The following GAB2 variants were observed in gnomAD, a reference collection of about 807,000 sequenced individuals.
GAB2 encodes the protein GRB2-associated-binding protein 2.
Under a neutral mutation model 65.5 loss-of-function variants are expected in GAB2, and 26 were observed. The ratio of observed to expected loss-of-function variants is 0.40; its 90% CI spans 0.29 to 0.55. The LOEUF (loss-of-function observed/expected upper bound fraction) is 0.55, where lower values mean the gene tolerates loss of function less well. Ranked by LOEUF, GAB2 falls within the 20% of genes least tolerant of loss-of-function variation. The probability of loss-of-function intolerance (pLI) is 0.53; values close to 1 mark genes in which losing one functional copy is unlikely to be tolerated. For synonymous variants in GAB2, 321 were observed against 329.6 expected (o/e 0.97, Z 0.28); for missense variants, 884 against 875.8 (o/e 1.01, Z -0.12).
chr11:78,266,071 C>T (rs922148827), intron 2 of GAB2, among the ~76,000 whole-genome samples: 2 of 151,538 alleles, frequency 1.3e-5, no homozygotes, highest in African/African-American at 2.4e-5. Flanking sequence ...AAAAATTTGC[C>T]GGGTGTGGTG....
chr11:78,392,301 A>G (rs1291747487), intron 1 of GAB2: 1 of 152,164 alleles, frequency 6.6e-6, no homozygotes, highest in Non-Finnish European at 1.5e-5. Flanking sequence ...CCTAGTTAGA[A>G]AGAAACCACT....
chr11:78,377,587 C>T (rs139421566), intron 1 of GAB2, among the ~76,000 whole-genome samples: 8 of 152,218 alleles, frequency 5.3e-5, no homozygotes, highest in African/African-American at 1.2e-4. Flanking sequence ...TTTTGAAGAA[C>T]GTGGTAGCAG....
intron 1 of GAB2, among the ~76,000 whole-genome samples, chr11:78,415,542 A>G (rs1857184617): frequency 6.6e-6 from 1 of 152,230 alleles, no homozygotes; most frequent in African/African-American, 2.4e-5. Flanking sequence ...AGTTAGGGGG[A>G]AACTGAACTT....
intron 1 of GAB2, among the ~76,000 whole-genome samples, chr11:78,327,004 T>C (rs540858522): frequency 5.5e-4 from 84 of 152,332 alleles, no homozygotes; most frequent in Admixed American, 1.9e-3. Context: ...AAAGATCCCA[T>C]TTATGCTCTT....
intron 1 of GAB2, among the ~76,000 whole-genome samples, chr11:78,323,644 G>A (rs191281156): frequency 1.3e-4 from 20 of 152,070 alleles, no homozygotes; most frequent in Non-Finnish European, 2.8e-4. Context: ...AAAAAGGTCG[G>A]GGGAGGGAGG....
intron 1 of GAB2, among the ~76,000 whole-genome samples, chr11:78,375,038 G>A (rs891444827): frequency 1.3e-5 from 2 of 152,106 alleles, no homozygotes; most frequent in African/African-American, 2.4e-5. Context: ...TGTATATTTC[G>A]TTTATTTATT....
intron 1 of GAB2, among the ~76,000 whole-genome samples, chr11:78,320,953 A>C (rs764935021): frequency 4.6e-5 from 7 of 152,098 alleles, no homozygotes; most frequent in Non-Finnish European, 1.0e-4. Flanking sequence ...AGGTAATGCA[A>C]AAGAGATATT....
chr11:78,289,933 G>C (rs1316070940), intron 1 of GAB2, among the ~76,000 whole-genome samples: 10 of 150,278 alleles, frequency 6.7e-5, no homozygotes, highest in Non-Finnish European at 1.2e-4. Context: ...TCTCAATATG[G>C]AAAAGAGGGA....
rs915197059 is a variant in GAB2 at position 78,244,161 on chromosome 11, A to T, written c.620+5996T>A. Among the ~76,000 whole-genome samples, 4 of 151,448 alleles carry T rather than the reference A, an allele frequency of 2.6e-5. No individual in the cohort carries two copies. In the South Asian group the frequency reaches 8.3e-4, roughly 32 times the overall value. On this transcript the variant is annotated intron_variant, in intron 3 of 9. Transcript: ENST00000361507. ...GGAGGCCAAGATGGGCAGATTCAAG[A>T]TGGGCAGATTCCTTGAGGTCAGGAG... is the stretch of plus-strand genomic sequence containing the variant.
At chr11:78,320,409 T>C (rs747607068) in intron 1 of GAB2, among the ~76,000 whole-genome samples, 3 of 152,022 alleles carry the variant, frequency 2.0e-5, no homozygotes, top group South Asian at 2.1e-4. Context: ...TGAGAATTAA[T>C]AGCAAGGAAG....
At chr11:78,250,910 A>G (rs1051549367) in intron 2 of GAB2, among the ~76,000 whole-genome samples, 4 of 152,184 alleles carry the variant, frequency 2.6e-5, no homozygotes, top group African/African-American at 9.7e-5. Context: ...CAGGGTGCAC[A>G]TGGACATAAA....
chr11:78,289,731 A>G (rs953488392), intron 1 of GAB2, among the ~76,000 whole-genome samples: 3 of 150,818 alleles, frequency 2.0e-5, no homozygotes, highest in Admixed American at 6.6e-5. Context: ...GAAAGCAAAC[A>G]TGCACGAGAG....
At chr11:78,323,261 G>A (rs1855760466) in intron 1 of GAB2, among the ~76,000 whole-genome samples, 2 of 152,180 alleles carry the variant, frequency 1.3e-5, no homozygotes, top group Non-Finnish European at 2.9e-5. Context: ...TGTAATCCCT[G>A]CACTTTGGGA....
intron 1 of GAB2, among the ~76,000 whole-genome samples, chr11:78,357,352 A>G (rs979100184): frequency 1.3e-5 from 2 of 152,198 alleles, no homozygotes; most frequent in Admixed American, 1.3e-4. Context: ...CTTGACCACT[A>G]GAAAAGAAGT....
At chr11:78,396,250 A>G (rs2135072126) in intron 1 of GAB2, among the ~76,000 whole-genome samples, 1 of 152,370 alleles carries the variant, frequency 6.6e-6, no homozygotes, top group South Asian at 2.1e-4. Flanking sequence ...GGAAAAAAGT[A>G]TGGGACACAG....
intron 2 of GAB2, among the ~76,000 whole-genome samples, chr11:78,264,855 T>A (rs1216084789): frequency 6.6e-6 from 1 of 152,178 alleles, no homozygotes; most frequent in Non-Finnish European, 1.5e-5. Context: ...AGGGGTTATT[T>A]AGGATATTTT....
At chr11:78,222,623 C>T (rs188736305) in intron 6 of GAB2, among the ~76,000 whole-genome samples, 32 of 151,784 alleles carry the variant, frequency 2.1e-4, no homozygotes, top group Non-Finnish European at 3.5e-4. Context: ...CACTCTGTTG[C>T]TCAGGCTGGA....
chr11:78,368,842 T>A (rs951809848), intron 1 of GAB2, among the ~76,000 whole-genome samples: 6 of 152,020 alleles, frequency 3.9e-5, no homozygotes, highest in African/African-American at 1.2e-4. Flanking sequence ...TTTGGGAGGC[T>A]GAGGTGGGAG....
chr11:78,294,358 T>C (rs1208916381), intron 1 of GAB2, among the ~76,000 whole-genome samples: 4 of 152,218 alleles, frequency 2.6e-5, no homozygotes, highest in Non-Finnish European at 5.9e-5. Context: ...CTATTGTGAA[T>C]AGTGCTGCAA....
Sources: allele counts gnomAD v4.1 joint callset (sites outside exome capture counted in the v4.1 genomes callset), GRCh38; gene constraint gnomAD v4.1.1; transcripts MANE v1.5; gene names NCBI Gene and HGNC (gene_info 2026-07-23, HGNC 2026-07-21).